The following PIK3C2G variants were observed in gnomAD, a reference collection of about 807,000 sequenced individuals.
PIK3C2G encodes the protein phosphatidylinositol-4-phosphate 3-kinase catalytic subunit type 2 gamma, also known as phosphatidylinositol 3-kinase C2 domain-containing subunit gamma.
Under a neutral mutation model 181.1 loss-of-function variants are expected in PIK3C2G, and 168 were observed. The ratio of observed to expected loss-of-function variants is 0.93; its 90% CI spans 0.82 to 1.05. The LOEUF (loss-of-function observed/expected upper bound fraction) is 1.05, where lower values mean the gene tolerates loss of function less well. Ranked by LOEUF, PIK3C2G falls within the 50% of genes least tolerant of loss-of-function variation. The pLI, the probability that PIK3C2G is intolerant of heterozygous loss-of-function variation, is 0.00. For synonymous variants in PIK3C2G, 573 were observed against 592.2 expected, an observed-to-expected ratio of 0.97 and a Z score of 0.47; for missense variants, 1,869 against 1,732.8, an observed-to-expected ratio of 1.08 and a Z score of -1.40.
intron 18 of PIK3C2G, among the ~76,000 whole-genome samples, chr12:18,452,523 G>C (rs1303570298): frequency 1.3e-5 from 2 of 151,490 alleles, no homozygotes; most frequent in Non-Finnish European, 2.9e-5. Context: ...ACAGCTTCTA[G>C]ATTCATTGAT....
chr12:18,380,508 G>T lies in PIK3C2G; in HGVS notation c.1881-1258G>T, dbSNP rs550247037. 2.0e-5 allele frequency among the ~76,000 whole-genome samples: 3 copies of T among 152,206 alleles called. No homozygotes were observed. The East Asian group carries it at 5.8e-4, about 29-fold the overall frequency. ...AAGCTCCTATGCTCTGACAGGCAAA[G>T]GGGAAAATTACAATAAAAATTTTCT... On this transcript the variant is annotated intron_variant, in intron 13 of 32. Transcript: ENST00000538779.
rs557217642 is a variant in PIK3C2G, at chr12:18,275,527, G to A, written c.-78-6477G>A. On this transcript the variant is annotated intron_variant, in intron 1 of 32. Coordinates refer to ENST00000538779, the MANE Select transcript of PIK3C2G (RefSeq NM_001288772.2). The stretch of plus-strand genomic sequence containing the variant: ...CTCCCACATAGCTGGGATTACAGGC[G>A]TCCGCCACCACGCCTGCCTAATTTT... Among the ~76,000 whole-genome samples, 11 of 152,144 alleles carry A rather than the reference G, an allele frequency of 7.2e-5. No homozygotes were observed. In the East Asian group the frequency reaches 7.7e-4, roughly 11 times the overall value.
chr12:18,417,909 A>T (rs1945270432), intron 16 of PIK3C2G, among the ~76,000 whole-genome samples: 1 of 152,112 alleles, frequency 6.6e-6, no homozygotes, highest in Admixed American at 6.6e-5. Flanking sequence ...GACGGAGAGA[A>T]AAAAAGATCT....
intron 29 of PIK3C2G, among the ~76,000 whole-genome samples, chr12:18,593,448 T>G (rs1947193143): frequency 6.6e-6 from 1 of 151,724 alleles, no homozygotes; most frequent in South Asian, 2.1e-4. Flanking sequence ...GGAGTCAGAG[T>G]TGGAAGTTAA....
chr12:18,297,720 T>C (rs1316789586), intron 5 of PIK3C2G, among the ~76,000 whole-genome samples: 6 of 151,974 alleles, frequency 3.9e-5, no homozygotes, highest in Admixed American at 6.6e-5. Context: ...CTTATAACTA[T>C]CATGCTACAC....
intron 11 of PIK3C2G, among the ~76,000 whole-genome samples, chr12:18,351,502 C>T (rs1940210439): frequency 6.6e-6 from 1 of 152,112 alleles, no homozygotes; most frequent in Non-Finnish European, 1.5e-5. Flanking sequence ...TAACTGAGCA[C>T]ATTCTAAGAG....
Position 18,399,697 on chromosome 12 carries a change from G to A in PIK3C2G, c.2165G>A (p.Arg722His), listed in dbSNP as rs766274056. ...AAGAAAAGATATTTATGGTTTTATC[G>A]CTTCTACTGCAATAATGAAAACTGC... is the stretch of plus-strand genomic sequence containing the variant. ...EEKKRYLWFY[R>H]FYCNNENCSL... The change falls in exon 16 of 33, where the codon CGC becomes CAC. Residue 722 changes from arginine (R) to histidine (H), a missense_variant. Coordinates refer to ENST00000538779, the MANE Select transcript of PIK3C2G (RefSeq NM_001288772.2). 3.1e-6 allele frequency: 5 copies of A among 1,587,358 alleles called. No homozygotes were observed. The African/African-American group carries it at 4.0e-5, about 13-fold the overall frequency.
chr12:18,637,668 G>A (rs1475719800), intron 31 of PIK3C2G, among the ~76,000 whole-genome samples: 1 of 152,216 alleles, frequency 6.6e-6, no homozygotes, highest in Non-Finnish European at 1.5e-5. Flanking sequence ...AGGTCCTACT[G>A]TGAGGCTTGG....
At chr12:18,687,408 A>G in the PIK3C2G span, among the ~76,000 whole-genome samples, 1 of 152,136 alleles carries the variant, frequency 6.6e-6, no homozygotes, top group African/African-American at 2.4e-5. Flanking sequence ...ATCAGTTCCA[A>G]TGTCTCCTTC....
chr12:18,268,153 C>T (rs371608501), intron 1 of PIK3C2G, among the ~76,000 whole-genome samples: 3 of 152,116 alleles, frequency 2.0e-5, no homozygotes, highest in Admixed American at 6.6e-5. Context: ...CCAGCCAGTA[C>T]GTGTGGATTT....
the PIK3C2G span, chr12:18,719,598 A>G: frequency 6.2e-7 from 1 of 1,605,436 alleles, no homozygotes; most frequent in Admixed American, 1.7e-5. Context: ...TGTATCTTGT[A>G]AAACCTTCTA....
chr12:18,578,493 TA>T (rs1946340207), intron 29 of PIK3C2G, among the ~76,000 whole-genome samples: 1 of 152,228 alleles, frequency 6.6e-6, no homozygotes, highest in African/African-American at 2.4e-5. Context: ...TATCTGCAAG[TA>T]AGTTAGTCCT....
chr12:18,366,595 AG>A (rs1178787831), intron 12 of PIK3C2G, among the ~76,000 whole-genome samples: 9 of 152,274 alleles, frequency 5.9e-5, no homozygotes, highest in East Asian at 3.9e-4. Flanking sequence ...CACTCTCAGA[AG>A]CTTACTCTGG....
chr12:18,307,072 C>T (rs1401337035), intron 5 of PIK3C2G, among the ~76,000 whole-genome samples: 1 of 148,528 alleles, frequency 6.7e-6, no homozygotes, highest in Non-Finnish European at 1.5e-5. Context: ...TGAATGTTAT[C>T]TAGGATGCTT....
chr12:18,486,564 A>AT (rs1336175229), intron 18 of PIK3C2G, among the ~76,000 whole-genome samples: 4 of 152,066 alleles, frequency 2.6e-5, no homozygotes, highest in Non-Finnish European at 5.9e-5. Flanking sequence ...AAAATTGTTG[A>AT]TTTTGTCTGT....
At chr12:18,538,617 T>C (rs903942213) in intron 25 of PIK3C2G, among the ~76,000 whole-genome samples, 4 of 152,026 alleles carry the variant, frequency 2.6e-5, no homozygotes, top group Non-Finnish European at 5.9e-5. Flanking sequence ...TCAGTCATAC[T>C]AGGCATTAGG....
chr12:18,699,435 C>G, the PIK3C2G span, among the ~76,000 whole-genome samples: 1 of 152,240 alleles, frequency 6.6e-6, no homozygotes, highest in South Asian at 2.1e-4. Flanking sequence ...TCTTCTCCTG[C>G]GCACCTTCGC....
intron 16 of PIK3C2G, among the ~76,000 whole-genome samples, chr12:18,401,515 A>G (rs573793606): frequency 6.6e-6 from 1 of 152,304 alleles, no homozygotes; most frequent in African/African-American, 2.4e-5. Flanking sequence ...TTGGGCTATT[A>G]GCACAATTAT....
chr12:18,331,862 C>T (rs1299567999), intron 8 of PIK3C2G, among the ~76,000 whole-genome samples: 2 of 152,026 alleles, frequency 1.3e-5, no homozygotes, highest in Non-Finnish European at 2.9e-5. Flanking sequence ...TTACTAAGAG[C>T]TTATTTCTTG....
Sources: allele counts gnomAD v4.1 joint callset (sites outside exome capture counted in the v4.1 genomes callset), GRCh38; gene constraint gnomAD v4.1.1; transcripts MANE v1.5; gene names NCBI Gene and HGNC (gene_info 2026-07-23, HGNC 2026-07-21).